Variants in CASKIN2 observed in about 807,000 individuals in gnomAD.
CASKIN2 encodes caskin-2.
A neutral mutation model predicts 107.1 loss-of-function variants in CASKIN2; 41 were observed. That is an observed-to-expected ratio of 0.38 (90% CI 0.30 to 0.50). The LOEUF (loss-of-function observed/expected upper bound fraction) is 0.50. Among genes scored for constraint, CASKIN2 ranks in the 20% least tolerant of loss-of-function variants. The probability of loss-of-function intolerance (pLI) is 0.92; values close to 1 mark genes in which losing one functional copy is unlikely to be tolerated. For synonymous variants in CASKIN2, 724 were observed against 705.6 expected (o/e 1.03, Z -0.41); for missense variants, 1,546 against 1,657.4 (o/e 0.93, Z 1.17).
intron 16 of CASKIN2, 27 bp from the exon 17 acceptor site, chr17:75,503,554 C>T: frequency 6.2e-7 from 1 of 1,604,046 alleles, no homozygotes; most frequent in Non-Finnish European, 8.5e-7. Context: ...CTCAGAACAA[C>T]TCCCAGCCAG....
chr17:75,505,071 C>T lies in CASKIN2; in HGVS notation c.933G>A (p.Val311=). The T allele has an allele frequency of 6.2e-7, 1 of 1,609,930 alleles. No homozygotes were observed. The highest frequency in any genetic ancestry group is 1.1e-5 in the South Asian group (1 of 90,986). The change falls in exon 11 of 20, where the codon GTG becomes GTA. Residue 311 remains valine, a splice_region_variant and synonymous_variant. Transcript: ENST00000321617. The surrounding 1 kb of genome is among the most constrained non-coding windows in gnomAD (Gnocchi z 5.1). ...AGCGGCCGTCGGGATGCTGTTCTAG[C>T]ACCTGCGGCCAGGGGTGGGGGGCGG... ...LNVRAGDVIT[V]LEQHPDGRWK... is the part of the protein sequence containing the mutation.
intron 4 of CASKIN2, 33 bp from the exon 5 acceptor site, chr17:75,507,162 C>G (rs545009400): frequency 6.3e-7 from 1 of 1,589,640 alleles, no homozygotes; most frequent in African/African-American, 1.3e-5. Flanking sequence ...GAGGGAGGTC[C>G]TGGGACGGCG....
In CASKIN2 at chr17:75,507,059, A is replaced by G; in HGVS notation, c.315T>C (p.Ser105=). ...LEPVRLLLRA[S]AAVNAASLDG... is the part of the protein sequence containing the mutation. ...CCAGCGAGGCGGCATTGACAGCCGC[A>G]GAGGCGCGCAGCAGCAGCCTCACAG... Residue 105 remains serine, a synonymous_variant, in exon 5 of 20, where the codon TCT becomes TCC. Coordinates refer to ENST00000321617, the MANE Select transcript of CASKIN2 (RefSeq NM_020753.5). 1 of 1,612,414 alleles carries G rather than the reference A, an allele frequency of 6.2e-7. No homozygotes were observed. The highest frequency in any genetic ancestry group is 8.5e-7 in the Non-Finnish European group (1 of 1,179,812).
At chr17:75,501,237 G>A in intron 19 of CASKIN2, 67 bp from the exon 20 acceptor site, 1 of 1,432,988 alleles carries the variant, frequency 7.0e-7, no homozygotes, top group Non-Finnish European at 9.5e-7. Context: ...CTGGGGCAGG[G>A]AGCTGTCATA....
chr17:75,506,262 A>T lies in CASKIN2; in HGVS notation c.726+43T>A. ...CCAGCCAGTCAGGGGCACAGGGCAG[A>T]GGCTCCATGGACACCTGCGAGGGAG... On this transcript the variant is annotated intron_variant, in intron 8 of 19. Transcript: ENST00000321617. This position sits in a 1 kb window ranked among gnomAD's most constrained non-coding sequence, Gnocchi z 4.8. 1 of 1,521,488 alleles carries T rather than the reference A, an allele frequency of 6.6e-7. No individual in the cohort carries two copies. Among genetic ancestry groups the T allele is most frequent in the Non-Finnish European group, 9.1e-7 (1 of 1,102,624 alleles). The allele number at this position is 1,521,488 out of a possible 1,614,324, so 94.2% of individuals were successfully genotyped here.
At chr17:75,510,202 G>C (rs1350017086) in intron 2 of CASKIN2, among the ~76,000 whole-genome samples, 1 of 152,200 alleles carries the variant, frequency 6.6e-6, no homozygotes, top group African/African-American at 2.4e-5. Flanking sequence ...TTCAGAAAAG[G>C]GAGTGGTGCG....
Position 75,505,682 on chromosome 17 carries a change from T to G in CASKIN2, c.836-31A>C. The G allele has an allele frequency of 6.2e-7, 1 of 1,600,242 alleles. No individual in the cohort carries two copies. The highest frequency in any genetic ancestry group is 8.5e-7 in the Non-Finnish European group (1 of 1,169,932). ...AAAACGGGGTGGGGGACAGGTGTCA[T>G]CTAAGGGTCCTTAGGGCATCTTCCC... On this transcript the variant is annotated intron_variant, in intron 9 of 19. Transcript: ENST00000321617. The surrounding 1 kb of genome is among the most constrained non-coding windows in gnomAD (Gnocchi z 5.1).
At position 75,501,900 on chromosome 17, in the gene CASKIN2, G is replaced by T. The variant is rs749612816; in HGVS notation, c.3174C>A (p.Ala1058=). 2 of 1,571,680 alleles carry T rather than the reference G, an allele frequency of 1.3e-6. No individual in the cohort carries two copies. The highest frequency in any genetic ancestry group is 2.2e-5 in the East Asian group (1 of 44,494). ...GGCAGGGCGGCACTGGAGGCTGCAT[G>T]GCGGGGCTGGGAGCAAGGGGGGTTG... ...GVPTPLAPSP[A]MQPPVPPCPG... Residue 1058 remains alanine, a synonymous_variant, in exon 18 of 20, where the codon GCC becomes GCA. Coordinates refer to ENST00000321617, the MANE Select transcript of CASKIN2 (RefSeq NM_020753.5).
rs200417618 is a variant in CASKIN2, at chr17:75,503,967, G to T, written c.1468-5C>A. ...GTTATGAATGGCCTGCGCGTCCTGCGGGGTGGGGGAAGGGGGCAGAATTAG... is the reference window on the plus strand; with the variant it reads ...GTTATGAATGGCCTGCGCGTCCTGCTGGGTGGGGGAAGGGGGCAGAATTAG... On this transcript the variant is annotated splice_polypyrimidine_tract_variant and splice_region_variant and intron_variant, in intron 14 of 19. Coordinates refer to ENST00000321617, the MANE Select transcript of CASKIN2 (RefSeq NM_020753.5). 6.2e-7 allele frequency: 1 copy of T among 1,607,500 alleles called. No homozygotes were observed. The highest frequency in any genetic ancestry group is 8.5e-7 in the Non-Finnish European group (1 of 1,177,474).
chr17:75,506,425 G>A lies in CASKIN2; in HGVS notation c.618-12C>T, dbSNP rs188439410. On this transcript the variant is annotated splice_polypyrimidine_tract_variant and intron_variant, in intron 7 of 19. Transcript: ENST00000321617. This position sits in a 1 kb window ranked among gnomAD's most constrained non-coding sequence, Gnocchi z 4.8. ...CTCTCAGGAGCTGCCTGCAGTGGAC[G>A]GGGGGAGTCACGGGGGAGGTGGCGT... is the stretch of plus-strand genomic sequence containing the variant. The A allele has an allele frequency of 5.6e-4, 900 of 1,605,284 alleles. 11 individuals are homozygous for A. The East Asian group carries it at 0.017, about 30-fold the overall frequency.
chr17:75,508,200 G>T, intron 3 of CASKIN2, 34 bp downstream of exon 3: 1 of 1,612,014 alleles, frequency 6.2e-7, no homozygotes, highest in Non-Finnish European at 8.5e-7. Context: ...CCCCCACCCA[G>T]CAGCTCTGCA....
Position 75,502,983 on chromosome 17 carries a change from G to C in CASKIN2, c.2091C>G (p.Ser697Arg). The stretch of plus-strand genomic sequence containing the variant: ...GTGAGCGTGCCCCGATGCTCTCCTG[G>C]CTGGGAGAGCGGGCAGGTGGGAGGG... ...PLPLPPARSP[S>R]QESIGARSRG... The change falls in exon 18 of 20, where the codon AGC becomes AGG. Residue 697 changes from serine to arginine, a missense_variant. Around this residue, in one of 6 missense-constraint regions of CASKIN2, gnomAD observed 1,311 missense variants for 1,311.0 expected, o/e 1.00. Transcript: ENST00000321617. The surrounding 1 kb of genome is among the most constrained non-coding windows in gnomAD (Gnocchi z 4.3). 1 of 1,605,372 alleles carries C rather than the reference G, an allele frequency of 6.2e-7. No individual in the cohort carries two copies. Among genetic ancestry groups the C allele is most frequent in the Non-Finnish European group, 8.5e-7 (1 of 1,176,740 alleles).
At chr17:75,509,917 G>A (rs78952063) in intron 2 of CASKIN2, 25,594 of 985,746 alleles carry the variant, frequency 0.026, 381 homozygotes, top group Non-Finnish European at 0.029. Context: ...AACAGGGCAA[G>A]GGCCAGGCTG....
At position 75,506,831 on chromosome 17, in the gene CASKIN2, G is replaced by A; in HGVS notation, c.454C>T (p.Leu152=). The change falls in exon 6 of 20, where the codon CTG becomes TTG. Residue 152 remains leucine, a synonymous_variant. Coordinates refer to ENST00000321617, the MANE Select transcript of CASKIN2 (RefSeq NM_020753.5). The surrounding 1 kb of genome is among the most constrained non-coding windows in gnomAD (Gnocchi z 4.8). ...CGGCCAAATTCACAGGCCAGGTCCA[G>A]GGGCGTCTTCTTGGCCTTGTTGACC... ...CLVNKAKKTP[L]DLACEFGRLK... 6.2e-7 allele frequency: 1 copy of A among 1,613,382 alleles called. No homozygotes were observed. Among genetic ancestry groups the A allele is most frequent in the Admixed American group, 1.7e-5 (1 of 59,784 alleles).
In CASKIN2 at chr17:75,505,119, G is replaced by C. The variant is rs1318042421; in HGVS notation, c.931-46C>G. The C allele has an allele frequency of 6.3e-7, 1 of 1,593,904 alleles. No individual in the cohort carries two copies. Among genetic ancestry groups the C allele is most frequent in the Admixed American group, 1.7e-5 (1 of 59,764 alleles). On this transcript the variant is annotated intron_variant, in intron 10 of 19. Coordinates refer to ENST00000321617, the MANE Select transcript of CASKIN2 (RefSeq NM_020753.5). This position sits in a 1 kb window ranked among gnomAD's most constrained non-coding sequence, Gnocchi z 5.1. The stretch of plus-strand genomic sequence containing the variant: ...CGGGGACGGTCACTCCCAGCACCAG[G>C]CAAGTGGCAAACGGTTGTCCCTGCA...
chr17:75,505,088 G>C lies in CASKIN2; in HGVS notation c.931-15C>G, dbSNP rs765697997. 4 of 1,564,616 alleles carry C rather than the reference G, an allele frequency of 2.6e-6. No individual in the cohort carries two copies. Among genetic ancestry groups the C allele is most frequent in the Non-Finnish European group, 3.5e-6 (4 of 1,148,350 alleles). On this transcript the variant is annotated splice_polypyrimidine_tract_variant and intron_variant, in intron 10 of 19. Coordinates refer to ENST00000321617, the MANE Select transcript of CASKIN2 (RefSeq NM_020753.5). This position sits in a 1 kb window ranked among gnomAD's most constrained non-coding sequence, Gnocchi z 5.1. ...TGTTCTAGCACCTGCGGCCAGGGGT[G>C]GGGGGCGGGGACGGTCACTCCCAGC...
rs1400219168 is a variant in CASKIN2, at chr17:75,501,082, A to G, written c.3607T>C (p.Ter1203ArgextTer8). 1.3e-6 allele frequency: 2 copies of G among 1,570,020 alleles called. No individual in the cohort carries two copies. Among genetic ancestry groups the G allele is most frequent in the South Asian group, 1.2e-5 (1 of 85,382 alleles). ...CACAGTGGGCACTGCTGGAGGGCTC[A>G]GTCCAGCATGGCGTCCAGCTGGTCA... ...LADQLDAMLD[*>R] Residue 1203 changes from the stop codon to arginine (R), a stop_lost, in exon 20 of 20, where the codon TGA becomes CGA. Coordinates refer to ENST00000321617, the MANE Select transcript of CASKIN2 (RefSeq NM_020753.5).
chr17:75,507,023 G>A lies in CASKIN2; in HGVS notation c.351C>T (p.Ile117=). Residue 117 remains isoleucine (I), a synonymous_variant, in exon 5 of 20, where the codon ATC becomes ATT. Transcript: ENST00000321617. ...AVNAASLDGQ[I]PLHLAAQYGH... ...CATACTGTGCAGCCAGGTGCAGGGG[G>A]ATCTGTCCGTCCAGCGAGGCGGCAT... is the stretch of plus-strand genomic sequence containing the variant. 6.2e-7 allele frequency: 1 copy of A among 1,613,094 alleles called. No individual in the cohort carries two copies. The highest frequency in any genetic ancestry group is 8.5e-7 in the Non-Finnish European group (1 of 1,179,940).
chr17:75,501,623 G>A lies in CASKIN2; in HGVS notation c.3363C>T (p.Pro1121=). The change falls in exon 19 of 20, where the codon CCC becomes CCT. Residue 1121 remains proline, a synonymous_variant. Transcript: ENST00000321617. The part of the protein sequence containing the change: ...QLAFSGPKLA[P]RLGPRPVPPP... ...GAGGCACTGGGCGGGGGCCGAGCCG[G>A]GGCGCTAGCTTAGGGCCAGAAAATG... The A allele has an allele frequency of 6.2e-7, 1 of 1,602,074 alleles. No individual in the cohort carries two copies. Among genetic ancestry groups the A allele is most frequent in the Non-Finnish European group, 8.5e-7 (1 of 1,173,862 alleles).
Sources: allele counts gnomAD v4.1 joint callset (sites outside exome capture counted in the v4.1 genomes callset), GRCh38; gene constraint gnomAD v4.1.1; regional missense constraint gnomAD v4.1.1; non-coding constraint Gnocchi (gnomAD v3.1); transcripts MANE v1.5; gene names NCBI Gene and HGNC (gene_info 2026-07-23, HGNC 2026-07-21).